Variants in ABCC9 observed in about 807,000 individuals in gnomAD.
The protein encoded by ABCC9 is ATP-binding cassette sub-family C member 9.
Under a neutral mutation model 188.3 loss-of-function variants are expected in ABCC9, and 95 were observed. That is an observed-to-expected ratio of 0.50 (90% CI 0.43 to 0.60). The LOEUF (loss-of-function observed/expected upper bound fraction) is 0.60, where lower values mean the gene tolerates loss of function less well. ABCC9 is among the 20% of genes least tolerant of loss of function. ABCC9 has a pLI of 0.00. For missense variants in ABCC9, 1,102 were observed against 1,876.3 expected (o/e 0.59, Z 7.62); for synonymous variants, 659 against 652.7 (o/e 1.01, Z -0.15).
intron 12 of ABCC9, among the ~76,000 whole-genome samples, chr12:21,898,155 C>T (rs10743426): frequency 0.61 from 93,157 of 151,942 alleles, 28,811 homozygotes; most frequent in East Asian, 0.8. Context: ...GAGACCTTGT[C>T]TCAAACAATA....
At chr12:21,916,899 G>T in intron 6 of ABCC9, 38 bp downstream of exon 6, 1 of 1,561,382 alleles carries the variant, frequency 6.4e-7, no homozygotes, top group Admixed American at 1.9e-5. Context: ...TTGGGGTCTT[G>T]AATCCAAGTA....
chr12:21,807,304 T>C (rs1423485601), intron 38 of ABCC9, 42 bp downstream of exon 38: 2 of 1,613,138 alleles, frequency 1.2e-6, no homozygotes, highest in Admixed American at 3.3e-5. Flanking sequence ...CATGCACATT[T>C]CTCCAATTCG....
intron 5 of ABCC9, among the ~76,000 whole-genome samples, chr12:21,922,398 T>G (rs565905855): frequency 6.6e-6 from 1 of 152,164 alleles, no homozygotes; most frequent in South Asian, 2.1e-4. Context: ...TTGATCATGA[T>G]GAATGATCTT....
chr12:21,937,051 T>G (rs1399799519), intron 2 of ABCC9, among the ~76,000 whole-genome samples: 1 of 152,066 alleles, frequency 6.6e-6, no homozygotes, highest in African/African-American at 2.4e-5. Context: ...AACCAATGAC[T>G]AAAAAGTCAA....
chr12:21,835,049 T>C (rs1943999717), intron 30 of ABCC9, among the ~76,000 whole-genome samples: 1 of 152,028 alleles, frequency 6.6e-6, no homozygotes, highest in Non-Finnish European at 1.5e-5. Flanking sequence ...AGGAGCTCAA[T>C]AGGATTTTTA....
chr12:21,925,638 CT>C lies in ABCC9; in HGVS notation c.406+303del, dbSNP rs1458643153. On this transcript the variant is annotated intron_variant, in intron 5 of 39. Transcript: ENST00000261200. ...AGCTCTGATTCTTAAAATACAACTT[CT>C]GCAAGCCAGAAGGCCAGCCATATTT... The C allele has an allele frequency of 6.2e-6, 4 of 647,980 alleles. No individual in the cohort carries two copies. In the East Asian group the frequency reaches 1.1e-4, roughly 18 times the overall value. 40.1% of individuals were successfully genotyped at this position (647,980 alleles called of 1,614,324 possible).
intron 29 of ABCC9, among the ~76,000 whole-genome samples, chr12:21,841,604 G>C (rs371396055): frequency 6.6e-6 from 1 of 151,878 alleles, no homozygotes; most frequent in Non-Finnish European, 1.5e-5. Flanking sequence ...CGATCCGCCC[G>C]CCTCAGACCC....
chr12:21,910,694 A>G (rs1948283163), intron 9 of ABCC9, 132 bp downstream of exon 9: 1 of 793,114 alleles, frequency 1.3e-6, no homozygotes, highest in Non-Finnish European at 2.1e-6. Flanking sequence ...TAAGTAGATT[A>G]TAGAAACGTT....
intron 34 of ABCC9, among the ~76,000 whole-genome samples, chr12:21,815,304 A>G (rs1042720388): frequency 1.8e-4 from 20 of 110,290 alleles, no homozygotes; most frequent in African/African-American, 6.5e-4. Flanking sequence ...TTTTTTTTGC[A>G]TTTAGTATAT....
chr12:21,909,004 A>G (rs1399845813), intron 10 of ABCC9, among the ~76,000 whole-genome samples: 2 of 151,942 alleles, frequency 1.3e-5, no homozygotes, highest in South Asian at 2.1e-4. Context: ...ATTTATGCCT[A>G]TATGCCAATG....
Position 21,864,393 on chromosome 12 carries a change from G to A in ABCC9, c.2237+46C>T, listed in dbSNP as rs766938421. On this transcript the variant is annotated intron_variant, in intron 19 of 39. Transcript: ENST00000261200. ...GAGATTAAAGAGATTAAAGTCTGAG[G>A]AAGGAAGTTATTCTTATTAAACTCA... is the stretch of plus-strand genomic sequence containing the variant. 5 of 1,318,762 alleles carry A rather than the reference G, an allele frequency of 3.8e-6. 1 individual carries two copies. The South Asian group carries it at 5.9e-5, about 16-fold the overall frequency. 81.7% of individuals were successfully genotyped at this position (1,318,762 alleles called of 1,614,324 possible).
intron 8 of ABCC9, among the ~76,000 whole-genome samples, chr12:21,911,923 GC>G (rs1948345263): frequency 6.7e-6 from 1 of 148,966 alleles, no homozygotes; most frequent in Admixed American, 6.8e-5. Context: ...AAGGATCTGG[GC>G]TAAGCATTGT....
chr12:21,906,089 C>G (rs1948031593), intron 12 of ABCC9, 37 bp downstream of exon 12: 10 of 1,607,702 alleles, frequency 6.2e-6, no homozygotes, highest in Non-Finnish European at 6.8e-6. Context: ...TCTGGTTGCC[C>G]TTAAAGTCGC....
At chr12:21,878,448 A>G (rs1048898120) in intron 16 of ABCC9, among the ~76,000 whole-genome samples, 1 of 152,220 alleles carries the variant, frequency 6.6e-6, no homozygotes, top group African/African-American at 2.4e-5. Context: ...GCTGTGGAGA[A>G]GGTGACACAG....
intron 16 of ABCC9, among the ~76,000 whole-genome samples, chr12:21,877,818 G>A (rs899371051): frequency 7.2e-5 from 11 of 152,160 alleles, no homozygotes; most frequent in South Asian, 2.1e-4. Context: ...GCTATTGGGG[G>A]AGGGGAGTCA....
At chr12:21,838,762 G>A (rs534345035) in intron 29 of ABCC9, among the ~76,000 whole-genome samples, 15 of 152,182 alleles carry the variant, frequency 9.9e-5, no homozygotes, top group Admixed American at 6.5e-4. Context: ...GGCCAGGTGC[G>A]GTGGCTCATA....
At chr12:21,862,554 C>T (rs1361926102) in intron 20 of ABCC9, among the ~76,000 whole-genome samples, 3 of 150,576 alleles carry the variant, frequency 2.0e-5, no homozygotes, top group Non-Finnish European at 4.4e-5. Context: ...TGGCTGTTCC[C>T]AGTCACCAGA....
intron 14 of ABCC9, among the ~76,000 whole-genome samples, chr12:21,891,017 C>G (rs1173776988): frequency 6.6e-6 from 1 of 151,984 alleles, no homozygotes; most frequent in Non-Finnish European, 1.5e-5. Context: ...AGATAGTTTC[C>G]CTTCTCTCTC....
chr12:21,813,824 G>A (rs1222378672), intron 35 of ABCC9, among the ~76,000 whole-genome samples: 1 of 152,126 alleles, frequency 6.6e-6, no homozygotes, highest in Non-Finnish European at 1.5e-5. Flanking sequence ...TCACAGAGCT[G>A]TTGTGTAGAT....
Sources: allele counts gnomAD v4.1 joint callset (sites outside exome capture counted in the v4.1 genomes callset), GRCh38; gene constraint gnomAD v4.1.1; transcripts MANE v1.5; gene names NCBI Gene and HGNC (gene_info 2026-07-23, HGNC 2026-07-21).